Variants in MDGA2 observed in about 807,000 individuals in gnomAD.
MDGA2 encodes the protein MAM domain-containing glycosylphosphatidylinositol anchor protein 2.
A neutral mutation model predicts 117.8 loss-of-function variants in MDGA2; 40 were observed. The observed-to-expected ratio is 0.34, with a 90% CI of 0.26 to 0.44. The LOEUF (loss-of-function observed/expected upper bound fraction) is 0.44. Ranked by LOEUF, MDGA2 falls within the 20% of genes least tolerant of loss-of-function variation. MDGA2 has a pLI of 1.00. For synonymous variants in MDGA2, 452 were observed against 439.0 expected (o/e 1.03, Z -0.37); for missense variants, 1,123 against 1,250.6 (o/e 0.90, Z 1.54).
rs1055245438 is a variant in MDGA2, at chr14:47,335,747, T to TATATATATACAC, written c.281-34198_281-34197insGTGTATATATAT. ...CACACATATATTTTATATATATATATACATACATACATACAGGATCACTCT... is the reference window on the plus strand; with the variant it reads ...CACACATATATTTTATATATATATATATATATATACACACATACATACATACAGGATCACTCT... On this transcript the variant is annotated intron_variant, in intron 1 of 16. Transcript: ENST00000399232. 8.5e-3 allele frequency among the ~76,000 whole-genome samples: 583 copies of TATATATATACAC among 68,652 alleles called. 44 individuals carry two copies. The highest frequency in any genetic ancestry group is 0.024 in the African/African-American group (558 of 22,862). The allele number at this position is 68,652 out of a possible 152,430, so 45.0% of individuals were successfully genotyped here.
intron 1 of MDGA2, among the ~76,000 whole-genome samples, chr14:47,337,829 C>T (rs1890506414): frequency 6.6e-6 from 1 of 151,970 alleles, no homozygotes; most frequent in Admixed American, 6.6e-5. Context: ...TGTATGTTTA[C>T]ATTAGAGGAA....
At chr14:47,520,555 A>C (rs560047382) in intron 1 of MDGA2, among the ~76,000 whole-genome samples, 1 of 152,334 alleles carries the variant, frequency 6.6e-6, no homozygotes, top group East Asian at 1.9e-4. Flanking sequence ...AAATTATATT[A>C]GTCATTTTTT....
At chr14:47,131,601 T>G in intron 5 of MDGA2, 113 bp downstream of exon 5, 1 of 740,488 alleles carries the variant, frequency 1.4e-6, no homozygotes, top group Non-Finnish European at 2.0e-6. Context: ...GGAATAAAGG[T>G]GCTTATTCCT....
Position 47,061,411 on chromosome 14 carries a change from T to C in MDGA2, c.1363A>G (p.Met455Val), listed in dbSNP as rs745830318. The C allele has an allele frequency of 6.2e-7, 1 of 1,613,550 alleles. No homozygotes were observed. Among genetic ancestry groups the C allele is most frequent in the Non-Finnish European group, 8.5e-7 (1 of 1,179,688 alleles). ...TCAGGATCAGTCTGTGTAATGACCA[T>C]CCGCTCAGAACTTCTTAATGGACGA... ...NGRPLRSSERMVITQTDPDVS... is the reference protein window; with the variant it reads ...NGRPLRSSERVVITQTDPDVS... Residue 455 changes from methionine (M) to valine (V), a missense_variant, in exon 7 of 17, where the codon ATG becomes GTG. Transcript: ENST00000399232.
intron 9 of MDGA2, among the ~76,000 whole-genome samples, chr14:46,941,139 C>T (rs558698276): frequency 6.6e-6 from 1 of 152,148 alleles, no homozygotes. Flanking sequence ...TGGACTGGAT[C>T]TGACTGCAAA....
intron 1 of MDGA2, among the ~76,000 whole-genome samples, chr14:47,597,965 G>A (rs547251880): frequency 2.0e-5 from 3 of 151,822 alleles, no homozygotes; most frequent in Non-Finnish European, 2.9e-5. Flanking sequence ...TTGAGCGTGC[G>A]TATAAACCTT....
chr14:47,125,798 C>T (rs1033971400), intron 5 of MDGA2, among the ~76,000 whole-genome samples: 2 of 152,062 alleles, frequency 1.3e-5, no homozygotes, highest in South Asian at 4.1e-4. Context: ...GCCAAATGAG[C>T]CACACCTATC....
intron 3 of MDGA2, among the ~76,000 whole-genome samples, chr14:47,202,477 T>C (rs1460440921): frequency 1.3e-5 from 2 of 152,184 alleles, no homozygotes; most frequent in Non-Finnish European, 2.9e-5. Context: ...AAGGTCACAA[T>C]GGCTGTCAAA....
chr14:47,019,659 C>A (rs1185840716), intron 8 of MDGA2, among the ~76,000 whole-genome samples: 3 of 151,842 alleles, frequency 2.0e-5, no homozygotes, highest in Admixed American at 6.6e-5. Flanking sequence ...CTGATTAACA[C>A]GGTGAAACCG....
At chr14:47,531,587 T>C (rs1173302549) in intron 1 of MDGA2, among the ~76,000 whole-genome samples, 1 of 152,216 alleles carries the variant, frequency 6.6e-6, no homozygotes, top group East Asian at 1.9e-4. Flanking sequence ...AGAATTGTTA[T>C]GAGAATTAAA....
intron 1 of MDGA2, among the ~76,000 whole-genome samples, chr14:47,644,331 G>A (rs1158958728): frequency 6.6e-6 from 1 of 152,032 alleles, no homozygotes; most frequent in African/African-American, 2.4e-5. Context: ...GTCCATGGAT[G>A]GACAAAATGG....
chr14:47,214,990 A>T (rs1886033264), intron 3 of MDGA2, among the ~76,000 whole-genome samples: 1 of 152,134 alleles, frequency 6.6e-6, no homozygotes. Context: ...ACCAAGTCAT[A>T]GTCTGCCTCA....
At chr14:47,463,110 C>A (rs1318815091) in intron 1 of MDGA2, among the ~76,000 whole-genome samples, 1 of 152,082 alleles carries the variant, frequency 6.6e-6, no homozygotes, top group Non-Finnish European at 1.5e-5. Context: ...TCCTATAATT[C>A]CTAAAAACCC....
In MDGA2 at chr14:46,922,519, T is replaced by TA. The variant is rs369576685; in HGVS notation, c.2090-2360dup. Among the ~76,000 whole-genome samples, 314 of 152,264 alleles carry TA rather than the reference T, an allele frequency of 2.1e-3. 3 individuals are homozygous for TA. Among genetic ancestry groups the TA allele is most frequent in the South Asian group, 8.9e-3 (43 of 4,828 alleles). On this transcript the variant is annotated intron_variant, in intron 9 of 16. Coordinates refer to ENST00000399232, the MANE Select transcript of MDGA2 (RefSeq NM_001113498.3). Reference sequence around the variant, plus strand: ...GCACTTCAAAATTATCTCATAACATTAAAAAAGTTCCTCTTGAAAGGCCAT... The same window carrying TA: ...GCACTTCAAAATTATCTCATAACATTAAAAAAAGTTCCTCTTGAAAGGCCAT...
chr14:47,657,563 G>A (rs1897768102), intron 1 of MDGA2, among the ~76,000 whole-genome samples: 1 of 152,112 alleles, frequency 6.6e-6, no homozygotes, highest in Admixed American at 6.6e-5. Context: ...GAGTACAATG[G>A]ACTCCATTTA....
At chr14:47,304,455 T>TA (rs948176142) in intron 1 of MDGA2, among the ~76,000 whole-genome samples, 2 of 152,066 alleles carry the variant, frequency 1.3e-5, no homozygotes, top group East Asian at 3.9e-4. Context: ...GCTAGGGGTA[T>TA]AAAAAACTAT....
chr14:47,453,179 A>T (rs1893277276), intron 1 of MDGA2, among the ~76,000 whole-genome samples: 1 of 152,012 alleles, frequency 6.6e-6, no homozygotes, highest in African/African-American at 2.4e-5. Context: ...AGAAATGTCA[A>T]AAGAGTAACT....
intron 5 of MDGA2, among the ~76,000 whole-genome samples, chr14:47,112,866 A>T (rs1881120503): frequency 6.6e-6 from 1 of 152,200 alleles, no homozygotes; most frequent in African/African-American, 2.4e-5. Flanking sequence ...CCAACAGTGT[A>T]AAAACATTCC....
chr14:47,069,402 A>C (rs759353773), intron 6 of MDGA2, among the ~76,000 whole-genome samples: 3 of 152,202 alleles, frequency 2.0e-5, no homozygotes, highest in African/African-American at 7.2e-5. Flanking sequence ...GACTGTTCTC[A>C]TTCACATCAC....
Sources: allele counts gnomAD v4.1 joint callset (sites outside exome capture counted in the v4.1 genomes callset), GRCh38; gene constraint gnomAD v4.1.1; transcripts MANE v1.5; gene names NCBI Gene and HGNC (gene_info 2026-07-23, HGNC 2026-07-21).